The following GPR137B variants were observed in gnomAD, a reference collection of about 807,000 sequenced individuals.
GPR137B encodes G protein-coupled receptor 137B.
Under a neutral mutation model 42.5 loss-of-function variants are expected in GPR137B, and 42 were observed. That is an observed-to-expected ratio of 0.99 (90% confidence interval 0.77 to 1.28). The LOEUF (loss-of-function observed/expected upper bound fraction) is 1.28, where lower values mean the gene tolerates loss of function less well. GPR137B is among the 50% of genes most tolerant of loss of function. The pLI, the probability that GPR137B is intolerant of heterozygous loss-of-function variation, is 0.00. For synonymous variants in GPR137B, 218 were observed against 209.7 expected (o/e 1.04, Z -0.34); for missense variants, 487 against 493.9 (o/e 0.99, Z 0.13).
At chr1:236,196,339 C>T (rs988870649) in intron 5 of GPR137B, among the ~76,000 whole-genome samples, 6 of 152,094 alleles carry the variant, frequency 3.9e-5, no homozygotes, top group African/African-American at 1.2e-4. Context: ...GGGTCTTCAC[C>T]GTGTTGGCCA....
At position 236,179,936 on chromosome 1, in the gene GPR137B, T is replaced by C. The variant is rs1327195786; in HGVS notation, c.745T>C (p.Ser249Pro). 3.1e-6 allele frequency: 5 copies of C among 1,612,082 alleles called. No individual in the cohort carries two copies. In the Admixed American group the frequency reaches 8.3e-5, roughly 27 times the overall value. ...IGVTVILLYT[S>P]RACYNLFILS... Reference sequence around the variant, plus strand: ...TGTCACCGTGATACTGCTTTACACCTCTCGGGCCTGCTACAACCTGTTCAT... The same window carrying C: ...TGTCACCGTGATACTGCTTTACACCCCTCGGGCCTGCTACAACCTGTTCAT... The change falls in exon 4 of 7, where the codon TCT becomes CCT. Residue 249 changes from serine (S) to proline (P), a missense_variant. By Grantham distance (74) the Ser-to-Pro change is moderately conservative. Coordinates refer to ENST00000366592, the MANE Select transcript of GPR137B (RefSeq NM_003272.4).
At position 236,168,693 on chromosome 1, in the gene GPR137B, T is replaced by C; in HGVS notation, c.415-13T>C. 6.2e-7 allele frequency: 1 copy of C among 1,609,024 alleles called. No individual in the cohort carries two copies. Among genetic ancestry groups the C allele is most frequent in the Non-Finnish European group, 8.5e-7 (1 of 1,175,284 alleles). The stretch of plus-strand genomic sequence containing the variant: ...ATTGGACCCCAACCTGCCATGCTTT[T>C]CTGTCGTTGCAGGTGATTTTCAAAG... On this transcript the variant is annotated splice_polypyrimidine_tract_variant and intron_variant, in intron 1 of 6. Coordinates refer to ENST00000366592, the MANE Select transcript of GPR137B (RefSeq NM_003272.4).
chr1:236,153,501 A>G (rs1472681652), intron 1 of GPR137B, among the ~76,000 whole-genome samples: 1 of 152,210 alleles, frequency 6.6e-6, no homozygotes, highest in African/African-American at 2.4e-5. Flanking sequence ...GATAGAGACT[A>G]CATTTTATTT....
chr1:236,207,540 A>G (rs1323106586), intron 6 of GPR137B, among the ~76,000 whole-genome samples: 5 of 152,218 alleles, frequency 3.3e-5, no homozygotes, highest in Non-Finnish European at 1.5e-5. Context: ...TTTCTACTAC[A>G]TAGAGGAACA....
chr1:236,152,187 T>C (rs897367189), intron 1 of GPR137B, among the ~76,000 whole-genome samples: 4 of 152,022 alleles, frequency 2.6e-5, no homozygotes, highest in African/African-American at 9.7e-5. Flanking sequence ...ATTGTCTGGG[T>C]GTGGTGAATT....
chr1:236,181,993 A>G (rs536769830), intron 4 of GPR137B, among the ~76,000 whole-genome samples: 92 of 149,612 alleles, frequency 6.1e-4, no homozygotes, highest in African/African-American at 2.1e-3. Context: ...CCCGGGTTCA[A>G]GCGATTCTTC....
intron 1 of GPR137B, among the ~76,000 whole-genome samples, chr1:236,153,488 A>G (rs1356184653): frequency 6.6e-6 from 1 of 152,240 alleles, no homozygotes; most frequent in Non-Finnish European, 1.5e-5. Flanking sequence ...ATTGTGCTGC[A>G]TGGATAGAGA....
intron 6 of GPR137B, among the ~76,000 whole-genome samples, chr1:236,205,654 C>A (rs562207086): frequency 1.3e-5 from 2 of 152,176 alleles, no homozygotes; most frequent in Non-Finnish European, 2.9e-5. Flanking sequence ...AATTCTTGTG[C>A]CTCAGGCTCC....
At chr1:236,169,204 GCAGGTGCAGGTA>G (rs1298084979) in intron 2 of GPR137B, among the ~76,000 whole-genome samples, 1,446 of 138,902 alleles carry the variant, frequency 0.01, 20 homozygotes, top group African/African-American at 0.044. Context: ...AGGTGCAGGT[GCAGGTGCAGGTA>G]CAGGTACAGG....
intron 1 of GPR137B, among the ~76,000 whole-genome samples, chr1:236,151,767 T>A (rs955478648): frequency 1.3e-5 from 2 of 152,132 alleles, no homozygotes; most frequent in Non-Finnish European, 2.9e-5. Context: ...GAGGCTGAGC[T>A]ACGCAGTCTG....
In GPR137B at chr1:236,181,913, A is replaced by G. The variant is rs1263400088; in HGVS notation, c.838-1865A>G. On this transcript the variant is annotated intron_variant, in intron 4 of 6. Transcript: ENST00000366592. ...TTGCTATTTTTTTTTTTTTTTTTTG[A>G]GACGGAGTCTCTCTCTGTCACCAGG... Among the ~76,000 whole-genome samples, 4 of 31,898 alleles carry G rather than the reference A, an allele frequency of 1.3e-4. No individual in the cohort carries two copies. In the African/African-American group the frequency reaches 1.5e-3, roughly 12 times the overall value. 20.9% of individuals were successfully genotyped at this position (31,898 alleles called of 152,430 possible). A position where few individuals can be genotyped will look rare whatever the true frequency, so the allele number is the denominator to read the frequency against.
chr1:236,150,604 C>G lies in GPR137B; in HGVS notation c.414+7568C>G, dbSNP rs1040055951. Among the ~76,000 whole-genome samples the G allele has an allele frequency of 6.6e-6, 1 of 152,214 alleles. No individual in the cohort carries two copies. Among genetic ancestry groups the G allele is most frequent in the African/African-American group, 2.4e-5 (1 of 41,448 alleles). ...CTCACAGCACATTCAGCATCCAACC[C>G]CAGTGACCATGCAGGAAGCCTGGAC... On this transcript the variant is annotated intron_variant, in intron 1 of 6. Transcript: ENST00000366592. This position sits in a 1 kb window ranked among gnomAD's most constrained non-coding sequence, Gnocchi z 6.2.
At chr1:236,206,098 T>C (rs945638530) in intron 6 of GPR137B, among the ~76,000 whole-genome samples, 3 of 152,234 alleles carry the variant, frequency 2.0e-5, no homozygotes, top group Non-Finnish European at 4.4e-5. Context: ...TGAAGGGTAT[T>C]TATTTGGTCT....
intron 1 of GPR137B, among the ~76,000 whole-genome samples, chr1:236,165,270 G>T (rs927383557): frequency 2.6e-5 from 4 of 152,172 alleles, no homozygotes; most frequent in African/African-American, 9.6e-5. Flanking sequence ...CATGGTCAAG[G>T]CTTTTATTTT....
At chr1:236,200,561 T>C (rs182785045) in intron 5 of GPR137B, among the ~76,000 whole-genome samples, 7 of 152,144 alleles carry the variant, frequency 4.6e-5, no homozygotes, top group Middle Eastern at 3.4e-3. Context: ...GATTGTGATA[T>C]TTTCCTGTTG....
chr1:236,149,223 C>T (rs368411241), intron 1 of GPR137B, among the ~76,000 whole-genome samples: 2 of 148,698 alleles, frequency 1.3e-5, no homozygotes, highest in South Asian at 2.2e-4. Flanking sequence ...TGACTCTTGG[C>T]GCACCCGTAG....
intron 1 of GPR137B, among the ~76,000 whole-genome samples, chr1:236,158,017 A>T (rs1230576789): frequency 6.6e-6 from 1 of 152,208 alleles, no homozygotes; most frequent in Non-Finnish European, 1.5e-5. Context: ...ACCTAGTGAA[A>T]GCCTGCCTAG....
intron 1 of GPR137B, among the ~76,000 whole-genome samples, chr1:236,146,801 G>T (rs1661694298): frequency 6.6e-6 from 1 of 152,166 alleles, no homozygotes; most frequent in South Asian, 2.1e-4. Flanking sequence ...CAGATCCTAT[G>T]GCTTTCTAGT....
At chr1:236,184,828 G>A (rs762356137) in intron 5 of GPR137B, among the ~76,000 whole-genome samples, 4 of 151,788 alleles carry the variant, frequency 2.6e-5, no homozygotes, top group Admixed American at 1.3e-4. Flanking sequence ...GTGTAGTGGC[G>A]CGATCTCAGC....
Sources: allele counts gnomAD v4.1 joint callset (sites outside exome capture counted in the v4.1 genomes callset), GRCh38; gene constraint gnomAD v4.1.1; non-coding constraint Gnocchi (gnomAD v3.1); transcripts MANE v1.5; gene names NCBI Gene and HGNC (gene_info 2026-07-23, HGNC 2026-07-21).